Variants in ERMP1 observed in about 807,000 individuals in gnomAD.
ERMP1 encodes endoplasmic reticulum metallopeptidase 1.
Under a neutral mutation model 92.0 loss-of-function variants are expected in ERMP1, and 86 were observed. The ratio of observed to expected loss-of-function variants is 0.93; its 90% CI spans 0.79 to 1.12. The LOEUF is 1.12. Ranked by LOEUF, ERMP1 falls within the 50% of genes most tolerant of loss-of-function variation. The probability of loss-of-function intolerance (pLI) is 0.00; values close to 1 mark genes in which losing one functional copy is unlikely to be tolerated. For missense variants in ERMP1, 1,342 were observed against 1,116.3 expected (o/e 1.20, Z -2.88); for synonymous variants, 530 against 412.8 (o/e 1.28, Z -3.44).
upstream of ERMP1, among the ~76,000 whole-genome samples, chr9:5,835,491 G>A (rs1309488190): frequency 6.6e-6 from 1 of 152,220 alleles, no homozygotes; most frequent in African/African-American, 2.4e-5. Context: ...TCTCTGAGAA[G>A]ATGACATTTG....
upstream of ERMP1, among the ~76,000 whole-genome samples, chr9:5,837,105 T>A (rs1213913073): frequency 6.6e-6 from 1 of 152,188 alleles, no homozygotes; most frequent in Admixed American, 6.5e-5. Context: ...ATACTCTATA[T>A]TCATCTTAAA....
At chr9:5,850,634 C>T (rs114108933) in intron 6 of ERMP1, among the ~76,000 whole-genome samples, 446 of 152,132 alleles carry the variant, frequency 2.9e-3, no homozygotes, top group African/African-American at 0.011. Context: ...GATGAAGCAT[C>T]AGAAAAACCC....
intron 13 of ERMP1, among the ~76,000 whole-genome samples, chr9:5,793,824 C>T (rs1274161733): frequency 6.6e-6 from 1 of 152,046 alleles, no homozygotes; most frequent in Non-Finnish European, 1.5e-5. Flanking sequence ...AGGAGAAAGA[C>T]AAATTCACAA....
Position 5,832,899 on chromosome 9 carries a change from G to A in ERMP1, c.129C>T (p.Cys43=), listed in dbSNP as rs1830015602. The change falls in exon 1 of 15, where the codon TGC becomes TGT. Residue 43 remains cysteine (C), a synonymous_variant. Transcript: ENST00000339450. ...ARAQEPLVDG[C]SGGGRTRKRS... is the part of the protein sequence containing the mutation. ...TCTTCCGCGTCCTCCCGCCGCCGCT[G>A]CACCCATCCACCAGAGGCTCCTGCG... 3.9e-6 allele frequency: 6 copies of A among 1,556,320 alleles called. No homozygotes were observed. Among genetic ancestry groups the A allele is most frequent in the Admixed American group, 3.6e-5 (2 of 56,152 alleles).
Position 5,823,925 on chromosome 9 carries a change from A to G in ERMP1, c.845T>C (p.Val282Ala), listed in dbSNP as rs1193847157. 6.2e-7 allele frequency: 1 copy of G among 1,613,756 alleles called. No homozygotes were observed. The change falls in exon 4 of 15, where the codon GTA becomes GCA. Residue 282 changes from valine (V) to alanine (A), a missense_variant. Physicochemically the swap from Val to Ala is moderately conservative, Grantham distance 64. Transcript: ENST00000339450. ...TTGGAATACAAGTTCTTTCCCTCCT[A>G]CACCTGCTGCCTCTAGGTTAATGAA... ...RAFINLEAAG[V>A]GGKELVFQTG...
chr9:5,866,663 G>T (rs1830673957), intron 5 of ERMP1, among the ~76,000 whole-genome samples: 1 of 152,116 alleles, frequency 6.6e-6, no homozygotes, highest in Non-Finnish European at 1.5e-5. Flanking sequence ...TGAACAGAAG[G>T]TCTTCAAACC....
rs1050316147 is a variant in ERMP1 at position 5,829,217 on chromosome 9, G to A, written c.640+1510C>T. 3.9e-4 allele frequency among the ~76,000 whole-genome samples: 38 copies of A among 98,502 alleles called. 1 individual carries two copies. The East Asian group carries it at 7.8e-3, about 20-fold the overall frequency. 64.6% of individuals were successfully genotyped at this position (98,502 alleles called of 152,430 possible). ...TGACAGAGTGAGACTTGGCCCCCCA[G>A]CCAAAAAAAAAAAAAAAAAAACACT... On this transcript the variant is annotated intron_variant, in intron 2 of 14. Coordinates refer to ENST00000339450, the MANE Select transcript of ERMP1 (RefSeq NM_024896.3).
chr9:5,832,342 A>C (rs1344434064), intron 1 of ERMP1: 1 of 248,582 alleles, frequency 4.0e-6, no homozygotes, highest in Non-Finnish European at 7.6e-6. Flanking sequence ...CCATCTGGAA[A>C]GCAGAAGGGC....
intron 6 of ERMP1, among the ~76,000 whole-genome samples, chr9:5,858,278 T>C (rs1003533998): frequency 3.3e-5 from 5 of 152,054 alleles, no homozygotes; most frequent in African/African-American, 7.3e-5. Flanking sequence ...TTTGCAAAAA[T>C]ATGATTATAT....
Position 5,801,291 on chromosome 9 carries a change from GTT to G in ERMP1, c.1950_1951del (p.Lys650AsnfsTer25). 6.2e-7 allele frequency: 1 copy of G among 1,612,042 alleles called. No individual in the cohort carries two copies. Among genetic ancestry groups the G allele is most frequent in the Non-Finnish European group, 8.5e-7 (1 of 1,178,954 alleles). On this transcript the variant is annotated frameshift_variant, in exon 11 of 15. Transcript: ENST00000339450. LOFTEE classifies it high-confidence loss of function. ...ACATACCAAAGTTAAAGTTAGCATG[GTT>G]TTTTTTGTGCTCTTGGCAAGGTAGA...
At chr9:5,831,835 T>A (rs1829952678) in intron 1 of ERMP1, among the ~76,000 whole-genome samples, 1 of 152,150 alleles carries the variant, frequency 6.6e-6, no homozygotes, top group Non-Finnish European at 1.5e-5. Context: ...CAAAACCAAC[T>A]GTACCCCTAA....
At position 5,830,771 on chromosome 9, in the gene ERMP1, G is replaced by C. The variant is rs1193002265; in HGVS notation, c.596C>G (p.Ala199Gly). Residue 199 changes from alanine (A) to glycine (G), a missense_variant, in exon 2 of 15, where the codon GCT (alanine) becomes GGT (glycine). Physicochemically the swap from Ala to Gly is moderately conservative, Grantham distance 60. Transcript: ENST00000339450. Reference protein sequence around the residue: ...KLEPRDGAQHAVLANCHFDSV... With the variant: ...KLEPRDGAQHGVLANCHFDSV... ...GTCAAAATGACAATTAGCCAAGACAGCATGCTGGGCTCCATCTCTGGGTTC... is the reference window on the plus strand; with the variant it reads ...GTCAAAATGACAATTAGCCAAGACACCATGCTGGGCTCCATCTCTGGGTTC... 3 of 1,613,934 alleles carry C rather than the reference G, an allele frequency of 1.9e-6. No individual in the cohort carries two copies. The highest frequency in any genetic ancestry group is 2.5e-6 in the Non-Finnish European group (3 of 1,179,964).
rs181642239 is a variant in ERMP1 at position 5,798,638 on chromosome 9, T to G, written c.2270+168A>C. ...GAAAAAACAAAACTACTCTTCTGAG[T>G]GCTTTATTCCACTAAAAAAAAAAAA... On this transcript the variant is annotated intron_variant, in intron 12 of 14. Transcript: ENST00000339450. Among the ~76,000 whole-genome samples, 3 of 150,690 alleles carry G rather than the reference T, an allele frequency of 2.0e-5. No individual in the cohort carries two copies. In the East Asian group the frequency reaches 5.8e-4, roughly 29 times the overall value.
rs1463665857 is a variant in ERMP1, at chr9:5,786,349, A to C, written c.*795T>G. ...GTTAAGGTCATGTACTGGCACAAAC[A>C]ATATTCTGAACCAAAAGAACCTACG... On this transcript the variant is annotated 3_prime_UTR_variant, in exon 15 of 15. Coordinates refer to ENST00000339450, the MANE Select transcript of ERMP1 (RefSeq NM_024896.3). The C allele has an allele frequency of 6.6e-6, 1 of 152,366 alleles. No individual in the cohort carries two copies. Among genetic ancestry groups the C allele is most frequent in the African/African-American group, 2.4e-5 (1 of 41,578 alleles). The allele number at this position is 152,366 out of a possible 1,614,324, so 9.4% of individuals were successfully genotyped here.
chr9:5,840,327 T>A (rs1445964635), intron 6 of ERMP1, among the ~76,000 whole-genome samples: 2 of 152,136 alleles, frequency 1.3e-5, no homozygotes, highest in African/African-American at 4.8e-5. Context: ...GTCTACTGCA[T>A]CCAACTCTAG....
At chr9:5,839,979 C>T (rs572964238) in intron 6 of ERMP1, among the ~76,000 whole-genome samples, 4 of 152,268 alleles carry the variant, frequency 2.6e-5, no homozygotes, top group South Asian at 2.1e-4. Flanking sequence ...CGGTGGCTCA[C>T]GCCTGTAATC....
upstream of ERMP1, among the ~76,000 whole-genome samples, chr9:5,836,406 T>C (rs1808395768): frequency 6.6e-6 from 1 of 152,114 alleles, no homozygotes; most frequent in East Asian, 1.9e-4. Flanking sequence ...AGCCAAGAGA[T>C]GAGAAGTGAG....
intron 4 of ERMP1, among the ~76,000 whole-genome samples, chr9:5,814,638 G>A (rs539519610): frequency 3.9e-5 from 6 of 152,174 alleles, no homozygotes; most frequent in Non-Finnish European, 8.8e-5. Flanking sequence ...GCTGAGGCAG[G>A]AGAATTGCTT....
intron 6 of ERMP1, chr9:5,856,073 C>T (rs1401835503): frequency 1.1e-5 from 4 of 377,012 alleles, no homozygotes; most frequent in African/African-American, 4.4e-5. Flanking sequence ...AATCCAACGT[C>T]GGCTGAGACA....
Sources: gnomAD v4.1 joint callset for allele counts (sites outside exome capture counted in the v4.1 genomes callset) on GRCh38, gnomAD v4.1.1 for gene constraint, MANE v1.5 for transcripts, NCBI Gene and HGNC (gene_info 2026-07-23, HGNC 2026-07-21) for gene names.